Variants in GORAB observed in about 807,000 individuals in gnomAD.
GORAB encodes the protein golgin, RAB6 interacting, also known as RAB6-interacting golgin.
A neutral mutation model predicts 29.9 loss-of-function variants in GORAB; 17 were observed. The ratio of observed to expected loss-of-function variants is 0.57; its 90% CI spans 0.39 to 0.85. The LOEUF is 0.85. Ranked by LOEUF, GORAB falls within the 40% of genes least tolerant of loss-of-function variation. GORAB has a pLI of 0.00. For synonymous variants in GORAB, 183 were observed against 157.2 expected (o/e 1.16, Z -1.23); for missense variants, 442 against 437.8 (o/e 1.01, Z -0.09).
chr1:170,553,715 ACTTCT>A lies in GORAB; in HGVS notation c.*1256_*1260del, dbSNP rs1351568625. ...TTGAAAGTATAACATTTTACTACTG[ACTTCT>A]CTAAACAGAAGCATTTCTATAGATA... On this transcript the variant is annotated 3_prime_UTR_variant, in exon 5 of 5. Coordinates refer to ENST00000367763, the MANE Select transcript of GORAB (RefSeq NM_152281.3). 8.9e-6 allele frequency: 4 copies of A among 449,034 alleles called. No individual in the cohort carries two copies. Among genetic ancestry groups the A allele is most frequent in the Admixed American group, 4.8e-5 (2 of 41,592 alleles). The allele number at this position is 449,034 out of a possible 1,614,324, so 27.8% of individuals were successfully genotyped here. A position where few individuals can be genotyped will look rare whatever the true frequency, so the allele number is the denominator to read the frequency against.
intron 4 of GORAB, among the ~76,000 whole-genome samples, chr1:170,549,691 G>C (rs185363590): frequency 9.2e-5 from 14 of 152,274 alleles, no homozygotes; most frequent in African/African-American, 2.6e-4. Context: ...TAGGTATCCA[G>C]TAGAGTTCCT....
At chr1:170,536,192 G>A (rs1291513549) in intron 1 of GORAB, 3 of 151,812 alleles carry the variant, frequency 2.0e-5, no homozygotes, top group Non-Finnish European at 4.4e-5. Flanking sequence ...CCCTATAGAG[G>A]TACTAAACAT....
Position 170,539,416 on chromosome 1 carries a change from A to C in GORAB, c.268A>C (p.Thr90Pro). The C allele has an allele frequency of 1.2e-6, 2 of 1,613,644 alleles. No homozygotes were observed. Among genetic ancestry groups the C allele is most frequent in the Non-Finnish European group, 1.7e-6 (2 of 1,179,932 alleles). Residue 90 changes from threonine to proline, a missense_variant, in exon 2 of 5, where the codon ACT (threonine) becomes CCT (proline). Thr to Pro is a conservative substitution (Grantham distance 38, BLOSUM62 -1). Transcript: ENST00000367763. ...FSSPTLPSHFTLTSPVGDGQP... is the reference protein window; with the variant it reads ...FSSPTLPSHFPLTSPVGDGQP... The stretch of plus-strand genomic sequence containing the variant: ...TTCCCCTACTCTTCCGAGTCATTTC[A>C]CTCTCACCTCCCCCGTTGGTGATGG...
At chr1:170,537,531 C>G (rs1431271712) in intron 1 of GORAB, among the ~76,000 whole-genome samples, 2 of 152,104 alleles carry the variant, frequency 1.3e-5, no homozygotes, top group Non-Finnish European at 2.9e-5. Flanking sequence ...ACAGCGTAAT[C>G]TAGATTTTCC....
In GORAB at chr1:170,553,481, A is replaced by G. The variant is rs775870676; in HGVS notation, c.*1019A>G. ...TATCACATTATGATTTATTTATCAGAAATTCCAAAAAGTAAAAATATTACC... is the reference window on the plus strand; with the variant it reads ...TATCACATTATGATTTATTTATCAGGAATTCCAAAAAGTAAAAATATTACC... On this transcript the variant is annotated 3_prime_UTR_variant, in exon 5 of 5. Coordinates refer to ENST00000367763, the MANE Select transcript of GORAB (RefSeq NM_152281.3). The G allele has an allele frequency of 2.1e-5, 9 of 428,346 alleles. No homozygotes were observed. The highest frequency in any genetic ancestry group is 1.0e-4 in the South Asian group (6 of 57,718). 26.5% of individuals were successfully genotyped at this position (428,346 alleles called of 1,614,324 possible). A position where few individuals can be genotyped will look rare whatever the true frequency, so the allele number is the denominator to read the frequency against.
At chr1:170,537,161 C>A (rs1206934091) in intron 1 of GORAB, among the ~76,000 whole-genome samples, 2 of 151,346 alleles carry the variant, frequency 1.3e-5, no homozygotes, top group Admixed American at 1.3e-4. Context: ...GTCTCTCTTT[C>A]TTTTATCCAA....
At chr1:170,540,578 A>G (rs1649352982) in intron 2 of GORAB, among the ~76,000 whole-genome samples, 1 of 152,230 alleles carries the variant, frequency 6.6e-6, no homozygotes. Flanking sequence ...ATAAAACCAC[A>G]TGAATTATGA....
chr1:170,541,970 CA>C (rs146681471), intron 2 of GORAB, among the ~76,000 whole-genome samples: 2 of 149,512 alleles, frequency 1.3e-5, no homozygotes, highest in East Asian at 2.0e-4. Context: ...AAAAGAAAGA[CA>C]AAAAAAAGTC....
At chr1:170,545,805 C>G (rs1214544481) in intron 4 of GORAB, 1 of 928,600 alleles carries the variant, frequency 1.1e-6, no homozygotes, top group Non-Finnish European at 1.3e-6. Context: ...TTGTGGTTGT[C>G]CTTGTGACTT....
rs76984072 is a variant in GORAB at position 170,552,892 on chromosome 1, A to G, written c.*430A>G. On this transcript the variant is annotated 3_prime_UTR_variant, in exon 5 of 5. Transcript: ENST00000367763. ...TTTAATCAGTATCAGTAAAAAGACA[A>G]AAATTACAGTGTGAACAAGAGAAAA... 1.3e-5 allele frequency: 6 copies of G among 451,968 alleles called. No individual in the cohort carries two copies. Among genetic ancestry groups the G allele is most frequent in the African/African-American group, 1.2e-4 (6 of 49,914 alleles). The allele number at this position is 451,968 out of a possible 1,614,324, so 28.0% of individuals were successfully genotyped here.
chr1:170,542,658 G>C (rs774969661), intron 3 of GORAB, 66 bp downstream of exon 3: 15 of 1,018,624 alleles, frequency 1.5e-5, no homozygotes, highest in Non-Finnish European at 2.3e-5. Context: ...TGTTATATTT[G>C]TTTTCCCATG....
At chr1:170,538,069 T>G (rs1022414242) in intron 1 of GORAB, among the ~76,000 whole-genome samples, 1 of 152,228 alleles carries the variant, frequency 6.6e-6, no homozygotes. Context: ...ACTTCAGTCT[T>G]TTAAAAAATA....
chr1:170,546,164 G>A (rs574338100), intron 4 of GORAB, among the ~76,000 whole-genome samples: 3 of 152,284 alleles, frequency 2.0e-5, no homozygotes, highest in African/African-American at 7.2e-5. Context: ...GCCAAGGCAG[G>A]TGGATCACGA....
chr1:170,544,631 T>G, intron 3 of GORAB, 74 bp from the exon 4 acceptor site: 2 of 1,298,922 alleles, frequency 1.5e-6, no homozygotes, highest in Non-Finnish European at 2.2e-6. Flanking sequence ...TATCTTGCTT[T>G]TTCACTTACA....
intron 1 of GORAB, among the ~76,000 whole-genome samples, chr1:170,534,651 CA>C (rs1648940693): frequency 6.6e-6 from 1 of 152,164 alleles, no homozygotes; most frequent in Admixed American, 6.5e-5. Context: ...ACCGTTGTTA[CA>C]GTTGCCTACA....
intron 4 of GORAB, chr1:170,545,750 T>C (rs1649717832): frequency 2.0e-6 from 2 of 984,864 alleles, no homozygotes; most frequent in Non-Finnish European, 2.4e-6. Context: ...GCGGAAATGC[T>C]TGATTGTGGT....
chr1:170,544,595 A>G, intron 3 of GORAB, 110 bp from the exon 4 acceptor site: 1 of 721,300 alleles, frequency 1.4e-6, no homozygotes, highest in Non-Finnish European at 2.2e-6. Flanking sequence ...TAACTTTTAA[A>G]ATATAAATTA....
At chr1:170,545,141 G>T in intron 4 of GORAB, 1 of 1,065,984 alleles carries the variant, frequency 9.4e-7, no homozygotes, top group Non-Finnish European at 1.1e-6. Context: ...AAGTGTTTTT[G>T]CTCATCTTTC....
rs879092966 is a variant in GORAB, at chr1:170,542,533, G to A, written c.462G>A (p.Arg154=). Residue 154 remains arginine, a synonymous_variant, in exon 3 of 5, where the codon CGG becomes CGA. Transcript: ENST00000367763. ...GGGAAGTCCTCCAACAAGAACAACG[G>A]CTAATGGAAGAGAAAAATAAACGTA... ...SRWEVLQQEQ[R]LMEEKNKRKK... is the part of the protein sequence containing the mutation. 6.2e-7 allele frequency: 1 copy of A among 1,613,734 alleles called. No homozygotes were observed. The highest frequency in any genetic ancestry group is 1.7e-5 in the Admixed American group (1 of 60,000).
Sources: allele counts gnomAD v4.1 joint callset (sites outside exome capture counted in the v4.1 genomes callset), GRCh38; gene constraint gnomAD v4.1.1; transcripts MANE v1.5; gene names NCBI Gene and HGNC (gene_info 2026-07-23, HGNC 2026-07-21).